BLTP1: variants seen among roughly 807,000 people sequenced by gnomAD.
The protein encoded by BLTP1 is fragile site-associated protein.
the BLTP1 span, chr4:122,316,216 CTT>C: frequency 2.8e-6 from 1 of 352,886 alleles, no homozygotes; most frequent in African/African-American, 2.1e-5. Flanking sequence ...CAAAAAGAAA[CTT>C]ATTCTTTGAT....
the BLTP1 span, among the ~76,000 whole-genome samples, chr4:122,175,591 A>G: frequency 5.0e-4 from 76 of 152,328 alleles, no homozygotes; most frequent in African/African-American, 1.7e-3. Context: ...AACATGTTGT[A>G]TATGATAAAT....
the BLTP1 span, among the ~76,000 whole-genome samples, chr4:122,204,163 G>C: frequency 6.6e-6 from 1 of 151,768 alleles, no homozygotes; most frequent in African/African-American, 2.4e-5. Flanking sequence ...ACTAGACATA[G>C]ACAAATGAAA....
chr4:122,174,155 G>A, the BLTP1 span: 1 of 976,108 alleles, frequency 1.0e-6, no homozygotes, highest in Non-Finnish European at 1.2e-6. Flanking sequence ...TTATAATTGA[G>A]TACCTTTTAG....
chr4:122,298,109 A>G, the BLTP1 span: 1 of 691,888 alleles, frequency 1.4e-6, no homozygotes, highest in Non-Finnish European at 1.8e-6. Flanking sequence ...ACATAGATAG[A>G]TCATAATAGT....
the BLTP1 span, among the ~76,000 whole-genome samples, chr4:122,219,871 G>A: frequency 3.3e-4 from 50 of 152,226 alleles, no homozygotes; most frequent in Non-Finnish European, 2.9e-5. Context: ...GGTGTTCAAG[G>A]ACTTTACATT....
the BLTP1 span, chr4:122,244,727 T>C: frequency 5.4e-6 from 3 of 555,682 alleles, no homozygotes; most frequent in Admixed American, 6.4e-5. Flanking sequence ...AAGATTCTTA[T>C]GATATGTCAT....
chr4:122,359,438 T>C, the BLTP1 span: 1 of 1,415,264 alleles, frequency 7.1e-7, no homozygotes, highest in Non-Finnish European at 9.4e-7. Flanking sequence ...TTTTAAGAAA[T>C]GCAATTAAAT....
At chr4:122,184,907 A>G in the BLTP1 span, 17 of 983,598 alleles carry the variant, frequency 1.7e-5, no homozygotes, top group African/African-American at 2.4e-4. Flanking sequence ...ATCTGCCCCT[A>G]ATATTCTGAT....
chr4:122,286,329 T>G, the BLTP1 span: 2 of 538,620 alleles, frequency 3.7e-6, no homozygotes, highest in Non-Finnish European at 4.7e-6. Flanking sequence ...AATACTTGCT[T>G]AATAATACTG....
the BLTP1 span, chr4:122,226,492 C>A: frequency 6.1e-5 from 81 of 1,317,674 alleles, no homozygotes; most frequent in African/African-American, 1.2e-3. Context: ...TTTGACAGTG[C>A]ATTTTGTCAT....
the BLTP1 span, chr4:122,202,612 G>T: frequency 4.4e-6 from 3 of 689,024 alleles, no homozygotes; most frequent in African/African-American, 5.8e-5. Context: ...TTTTAAAATA[G>T]ATACCTATCA....
the BLTP1 span, among the ~76,000 whole-genome samples, chr4:122,165,570 T>A: frequency 7.8e-6 from 1 of 128,382 alleles, no homozygotes; most frequent in East Asian, 3.1e-4. Flanking sequence ...TGTTTTATAA[T>A]CCTTTGGGTA....
the BLTP1 span, chr4:122,204,782 G>A: frequency 1.5e-6 from 1 of 650,594 alleles, no homozygotes; most frequent in African/African-American, 2.0e-5. Context: ...AAAGACTAAA[G>A]TTAGAAAGCA....
At chr4:122,232,287 G>A in the BLTP1 span, 671 of 232,988 alleles carry the variant, frequency 2.9e-3, 2 homozygotes, top group African/African-American at 0.014. Context: ...ATGTGTGGGC[G>A]GGTTGGTTCC....
chr4:122,233,653 A>T, the BLTP1 span, among the ~76,000 whole-genome samples: 1 of 152,190 alleles, frequency 6.6e-6, no homozygotes, highest in South Asian at 2.1e-4. Context: ...GCCTGCTCAT[A>T]CATTTTTCCT....
the BLTP1 span, chr4:122,162,605 A>T: frequency 1.0e-6 from 1 of 985,236 alleles, no homozygotes; most frequent in Non-Finnish European, 1.2e-6. Context: ...AAGTCCTCTC[A>T]TCCATAATTC....
the BLTP1 span, among the ~76,000 whole-genome samples, chr4:122,157,743 T>C: frequency 5.9e-5 from 9 of 152,220 alleles, no homozygotes; most frequent in Admixed American, 2.6e-4. Context: ...GTTTAGCTGC[T>C]GGATGGAGAC....
At chr4:122,170,109 C>G in the BLTP1 span, 1 of 481,744 alleles carries the variant, frequency 2.1e-6, no homozygotes, top group African/African-American at 2.1e-5. Context: ...GAGTTCAAGA[C>G]CAGCCTGACC....
chr4:122,220,154 C>G, the BLTP1 span: 1 of 229,046 alleles, frequency 4.4e-6, no homozygotes, highest in African/African-American at 2.3e-5. Context: ...CCCTCTGTTG[C>G]TTAGTGCAGC....
Sources: gnomAD v4.1 joint callset for allele counts (sites outside exome capture counted in the v4.1 genomes callset) on GRCh38, gnomAD v4.1.1 for gene constraint, MANE v1.5 for transcripts, NCBI Gene and HGNC (gene_info 2026-07-23, HGNC 2026-07-21) for gene names.